CPED1: variants seen among roughly 807,000 people sequenced by gnomAD.
CPED1 encodes the protein cadherin like and PC-esterase domain containing 1.
In CPED1, 114 loss-of-function variants were observed where a neutral mutation model predicts 128.2. The observed-to-expected ratio is 0.89, with a 90% confidence interval of 0.76 to 1.04. The LOEUF (loss-of-function observed/expected upper bound fraction) is 1.04. Ranked by LOEUF, CPED1 falls within the 50% of genes least tolerant of loss-of-function variation. The pLI is 0.00. For missense variants in CPED1, 1,211 were observed against 1,207.1 expected, an observed-to-expected ratio of 1.00 and a Z score of -0.05; for synonymous variants, 462 against 426.7, an observed-to-expected ratio of 1.08 and a Z score of -1.02.
chr7:121,092,203 C>A (rs140724039), intron 5 of CPED1, among the ~76,000 whole-genome samples: 1 of 152,154 alleles, frequency 6.6e-6, no homozygotes, highest in African/African-American at 2.4e-5. Context: ...CTCTTGTGTA[C>A]GTAGTATTGT....
intron 22 of CPED1, among the ~76,000 whole-genome samples, chr7:121,279,917 G>T (rs1262233130): frequency 1.3e-5 from 2 of 152,170 alleles, no homozygotes; most frequent in African/African-American, 4.8e-5. Context: ...CAGGCAGAGG[G>T]TCCCTCAGAC....
chr7:121,125,892 G>C lies in CPED1; in HGVS notation c.1134G>C (p.Gln378His), dbSNP rs779135080. 1 of 1,605,928 alleles carries C rather than the reference G, an allele frequency of 6.2e-7. No individual in the cohort carries two copies. The highest frequency in any genetic ancestry group is 8.5e-7 in the Non-Finnish European group (1 of 1,172,744). The change falls in exon 9 of 23, where the codon CAG (glutamine) becomes CAC (histidine). Residue 378 changes from glutamine to histidine, a missense_variant and splice_region_variant. Transcript: ENST00000310396. The part of the protein sequence containing the change: ...YGSFMYPVVL[Q>H]VHEHLNFQDY... ...GTTTCATGTACCCTGTAGTGCTCCAGGTCAGTATGCCAAAGGCCTCATGTG... is the reference window on the plus strand; with the variant it reads ...GTTTCATGTACCCTGTAGTGCTCCACGTCAGTATGCCAAAGGCCTCATGTG...
chr7:121,055,644 TCA>T (rs1168001072), intron 4 of CPED1, among the ~76,000 whole-genome samples: 5 of 151,152 alleles, frequency 3.3e-5, no homozygotes, highest in African/African-American at 9.7e-5. Context: ...TTCATATAGT[TCA>T]GTTTTTTTCT....
intron 16 of CPED1, among the ~76,000 whole-genome samples, chr7:121,164,039 C>T (rs1243163379): frequency 6.6e-6 from 1 of 152,214 alleles, no homozygotes; most frequent in Non-Finnish European, 1.5e-5. Flanking sequence ...CTGCTAGGTG[C>T]TCTGCTCTTT....
At chr7:121,123,260 T>A (rs192308730) in intron 7 of CPED1, among the ~76,000 whole-genome samples, 189 of 152,280 alleles carry the variant, frequency 1.2e-3, no homozygotes, top group Admixed American at 3.6e-3. Flanking sequence ...AGCCAGTATT[T>A]GTTTATCTTG....
At chr7:121,122,245 A>T (rs1237967801) in intron 7 of CPED1, among the ~76,000 whole-genome samples, 1 of 146,598 alleles carries the variant, frequency 6.8e-6, no homozygotes, top group Non-Finnish European at 1.5e-5. Flanking sequence ...GGTTCAAGTG[A>T]TTCTCCTGCC....
intron 18 of CPED1, 115 bp from the exon 19 acceptor site, chr7:121,266,112 T>C: frequency 1.4e-6 from 1 of 729,374 alleles, no homozygotes. Context: ...TTTGAAGGGC[T>C]GTCCTTCAAA....
rs529649042 is a variant in CPED1 at position 121,119,211 on chromosome 7, G to A, written c.919-5120G>A. 2.7e-5 allele frequency among the ~76,000 whole-genome samples: 4 copies of A among 145,892 alleles called. No homozygotes were observed. In the South Asian group the frequency reaches 6.8e-4, roughly 25 times the overall value. ...AATTTGCAAACTTTTTTTCTATTGC[G>A]AAATATAGGACAATCTAAAAAAGAT... On this transcript the variant is annotated intron_variant, in intron 7 of 22. Coordinates refer to ENST00000310396, the MANE Select transcript of CPED1 (RefSeq NM_024913.5).
intron 12 of CPED1, among the ~76,000 whole-genome samples, chr7:121,131,166 T>G (rs1339448018): frequency 1.3e-5 from 2 of 152,116 alleles, no homozygotes; most frequent in African/African-American, 4.8e-5. Flanking sequence ...CTGCTAAGGA[T>G]ATAGTGAAAA....
At chr7:121,021,860 T>C (rs1455663202) in intron 3 of CPED1, among the ~76,000 whole-genome samples, 6 of 152,058 alleles carry the variant, frequency 3.9e-5, no homozygotes, top group Non-Finnish European at 8.8e-5. Flanking sequence ...ATTTCCCCTG[T>C]AGGGAGGTGT....
At position 121,015,743 on chromosome 7, in the gene CPED1, A is replaced by G; in HGVS notation, c.328A>G (p.Thr110Ala). Residue 110 changes from threonine to alanine, a missense_variant, in exon 3 of 23, where the codon ACA (threonine) becomes GCA (alanine). Physicochemically the swap from Thr to Ala is moderately conservative, Grantham distance 58. Transcript: ENST00000310396. ...CTACAGGCCTCCTTTCTACAGCAAA[A>G]CAGAGCTTCAGCTACACCAGCACAT... ...ILYRPPFYSK[T>A]ELQLHQHILT... 6.2e-7 allele frequency: 1 copy of G among 1,611,882 alleles called. No individual in the cohort carries two copies. Among genetic ancestry groups the G allele is most frequent in the Non-Finnish European group, 8.5e-7 (1 of 1,179,266 alleles).
chr7:121,141,890 G>T, intron 15 of CPED1, 83 bp from the exon 16 acceptor site: 1 of 1,059,462 alleles, frequency 9.4e-7, no homozygotes, highest in South Asian at 1.6e-5. Context: ...TAGGTATTTA[G>T]TAAATATTGA....
At chr7:121,293,714 C>T (rs1792761266) in intron 22 of CPED1, among the ~76,000 whole-genome samples, 1 of 152,060 alleles carries the variant, frequency 6.6e-6, no homozygotes, top group Non-Finnish European at 1.5e-5. Flanking sequence ...TGGATAGCAC[C>T]ATCCCTCATG....
intron 5 of CPED1, among the ~76,000 whole-genome samples, chr7:121,092,370 T>C (rs1794594557): frequency 6.6e-6 from 1 of 152,210 alleles, no homozygotes; most frequent in African/African-American, 2.4e-5. Context: ...TACATACATC[T>C]GGTTATTTGG....
At chr7:121,067,044 A>G (rs1047141153) in intron 5 of CPED1, among the ~76,000 whole-genome samples, 4 of 152,056 alleles carry the variant, frequency 2.6e-5, no homozygotes, top group African/African-American at 7.2e-5. Context: ...GGATTTTAGT[A>G]TCCATGGCTG....
At chr7:121,094,812 A>G (rs1001270013) in intron 5 of CPED1, among the ~76,000 whole-genome samples, 2 of 152,176 alleles carry the variant, frequency 1.3e-5, no homozygotes, top group East Asian at 3.8e-4. Flanking sequence ...ATATTAAAAG[A>G]TATTGAAAAG....
rs777195852 is a variant in CPED1, at chr7:121,130,132, C to T, written c.1415C>T (p.Pro472Leu). The T allele has an allele frequency of 1.2e-6, 2 of 1,611,492 alleles. No individual in the cohort carries two copies. The highest frequency in any genetic ancestry group is 1.3e-5 in the African/African-American group (1 of 74,938). The change falls in exon 12 of 23, where the codon CCA (proline) becomes CTA (leucine). Residue 472 changes from proline (P) to leucine (L), a missense_variant. Transcript: ENST00000310396. ...GSLGQFQLLF[P>L]STTPGIQSLM... ...GATATTTTGTGTTCTCAGCTCTTCC[C>T]ATCTACTACTCCTGGGATTCAGTCA...
rs749483112 is a variant in CPED1 at position 121,007,230 on chromosome 7, CA to C, written c.250-8434del. On this transcript the variant is annotated intron_variant, in intron 2 of 22. Transcript: ENST00000310396. ...AAGCGTTGCGAAACTGTTCAGGTTG[CA>C]TTTTTTTTTTTTTTTTTTGTCTTGC... Among the ~76,000 whole-genome samples the C allele has an allele frequency of 1.5e-4, 17 of 115,860 alleles. 1 individual carries two copies. The highest frequency in any genetic ancestry group is 3.2e-4 in the South Asian group (1 of 3,126). 76.0% of individuals were successfully genotyped at this position (115,860 alleles called of 152,430 possible). A position where few individuals can be genotyped will look rare whatever the true frequency, so the allele number is the denominator to read the frequency against.
intron 16 of CPED1, among the ~76,000 whole-genome samples, chr7:121,229,483 G>A (rs1226217037): frequency 6.9e-6 from 1 of 144,776 alleles, no homozygotes; most frequent in Admixed American, 7.3e-5. Flanking sequence ...AAAATTATGA[G>A]TCTTATAGAT....
Sources: allele counts gnomAD v4.1 joint callset (sites outside exome capture counted in the v4.1 genomes callset), GRCh38; gene constraint gnomAD v4.1.1; transcripts MANE v1.5; gene names NCBI Gene and HGNC (gene_info 2026-07-23, HGNC 2026-07-21).